FOXP4: variants seen among roughly 807,000 people sequenced by gnomAD.
FOXP4 encodes forkhead box protein P4.
A neutral mutation model predicts 82.6 loss-of-function variants in FOXP4; 25 were observed. That is an observed-to-expected ratio of 0.30 (90% confidence interval 0.22 to 0.42). The LOEUF (loss-of-function observed/expected upper bound fraction) is 0.42. FOXP4 is among the 10% of genes least tolerant of loss of function. FOXP4 has a pLI of 1.00. For synonymous variants in FOXP4, 415 were observed against 388.2 expected (o/e 1.07, Z -0.81); for missense variants, 785 against 900.9 (o/e 0.87, Z 1.65).
intron 4 of FOXP4, 74 bp downstream of exon 4, chr6:41,584,965 A>C: frequency 1.7e-5 from 25 of 1,491,282 alleles, no homozygotes; most frequent in Non-Finnish European, 2.1e-5. Context: ...TTTACACCTC[A>C]CCAAGGGCCC....
intron 1 of FOXP4, among the ~76,000 whole-genome samples, chr6:41,557,458 T>C (rs1254295914): frequency 6.6e-6 from 1 of 152,192 alleles, no homozygotes; most frequent in Non-Finnish European, 1.5e-5. Context: ...TCCCATTTAC[T>C]GCAGAGTCAT....
chr6:41,591,392 G>A lies in FOXP4; in HGVS notation c.1536+70G>A, dbSNP rs1029374355. 1.3e-4 allele frequency: 167 copies of A among 1,328,630 alleles called. No individual in the cohort carries two copies. The highest frequency in any genetic ancestry group is 1.7e-4 in the Non-Finnish European group (166 of 949,832). The allele number at this position is 1,328,630 out of a possible 1,614,324, so 82.3% of individuals were successfully genotyped here. On this transcript the variant is annotated intron_variant, in intron 13 of 16. Transcript: ENST00000307972. This position sits in a 1 kb window ranked among gnomAD's most constrained non-coding sequence, Gnocchi z 4.2. ...ACCTGCCATATCCCATGGAGACCAAGGCTGCCTAACAATTAGTTCCCTAAA... is the reference window on the plus strand; with the variant it reads ...ACCTGCCATATCCCATGGAGACCAAAGCTGCCTAACAATTAGTTCCCTAAA...
At chr6:41,561,717 A>G (rs1168121817) in intron 1 of FOXP4, among the ~76,000 whole-genome samples, 1 of 152,226 alleles carries the variant, frequency 6.6e-6, no homozygotes, top group African/African-American at 2.4e-5. Context: ...TGACTCCAGC[A>G]GACCGACCAT....
intron 1 of FOXP4, among the ~76,000 whole-genome samples, chr6:41,561,527 G>C (rs989506522): frequency 6.6e-5 from 10 of 152,218 alleles, no homozygotes; most frequent in Admixed American, 3.9e-4. Flanking sequence ...CTGCCTTCCT[G>C]TTCCGCAGGT....
intron 1 of FOXP4, 32 bp from the exon 2 acceptor site, chr6:41,565,713 G>T: frequency 6.5e-7 from 1 of 1,547,832 alleles, no homozygotes; most frequent in Non-Finnish European, 8.8e-7. Context: ...TTCAGCCTCA[G>T]CCTCTCCCCT....
chr6:41,575,684 CA>C (rs2127370466), intron 2 of FOXP4, among the ~76,000 whole-genome samples: 1 of 152,194 alleles, frequency 6.6e-6, no homozygotes, highest in South Asian at 2.1e-4. Context: ...AGTGGGGAGT[CA>C]ACTCCCCTGG....
intron 14 of FOXP4, among the ~76,000 whole-genome samples, chr6:41,595,903 C>T (rs1766805685): frequency 6.7e-6 from 1 of 149,958 alleles, no homozygotes; most frequent in African/African-American, 2.5e-5. Flanking sequence ...CGCACCTGGC[C>T]TATTATTTTT....
At position 41,599,718 on chromosome 6, in the gene FOXP4, G is replaced by A. The variant is rs1325029722; in HGVS notation, c.*782G>A. ...TGTGCCAGGTGCGCTTCTGCAGGTGGAGCCAAGCTCTCCCTGAGGCCAGAG... is the reference window on the plus strand; with the variant it reads ...TGTGCCAGGTGCGCTTCTGCAGGTGAAGCCAAGCTCTCCCTGAGGCCAGAG... On this transcript the variant is annotated 3_prime_UTR_variant, in exon 17 of 17. Transcript: ENST00000307972. The A allele has an allele frequency of 1.3e-5, 2 of 152,522 alleles. No homozygotes were observed. Among genetic ancestry groups the A allele is most frequent in the Non-Finnish European group, 2.9e-5 (2 of 68,162 alleles). 9.4% of individuals were successfully genotyped at this position (152,522 alleles called of 1,614,324 possible). A position where few individuals can be genotyped will look rare whatever the true frequency, so the allele number is the denominator to read the frequency against.
In FOXP4 at chr6:41,593,650, C is replaced by T. The variant is rs1160455111; in HGVS notation, c.1537-1220C>T. Among the ~76,000 whole-genome samples the T allele has an allele frequency of 1.3e-5, 2 of 152,190 alleles. No homozygotes were observed. Among genetic ancestry groups the T allele is most frequent in the Non-Finnish European group, 2.9e-5 (2 of 68,034 alleles). Reference sequence around the variant, plus strand: ...GCAAATTTATTCCGAGGCAGGAGCCCCGGCGTGATTAGGCCCTTTGTAATT... The same window carrying T: ...GCAAATTTATTCCGAGGCAGGAGCCTCGGCGTGATTAGGCCCTTTGTAATT... On this transcript the variant is annotated intron_variant, in intron 13 of 16. Transcript: ENST00000307972. This position sits in a 1 kb window ranked among gnomAD's most constrained non-coding sequence, Gnocchi z 4.1.
intron 3 of FOXP4, among the ~76,000 whole-genome samples, chr6:41,584,243 G>A (rs1247689140): frequency 1.3e-5 from 2 of 152,256 alleles, no homozygotes; most frequent in Admixed American, 6.5e-5. Context: ...AGGTCCTCGT[G>A]CAAGGTGGGC....
intron 1 of FOXP4, among the ~76,000 whole-genome samples, chr6:41,555,371 G>A (rs1467253597): frequency 3.3e-5 from 5 of 152,156 alleles, no homozygotes; most frequent in Non-Finnish European, 4.4e-5. Flanking sequence ...TGAAATCAGC[G>A]CATCCCTGCC....
At chr6:41,563,733 C>T (rs891069960) in intron 1 of FOXP4, among the ~76,000 whole-genome samples, 1 of 152,216 alleles carries the variant, frequency 6.6e-6, no homozygotes, top group Non-Finnish European at 1.5e-5. Flanking sequence ...TTATTTTCTC[C>T]TCAAAAGACT....
At position 41,589,771 on chromosome 6, in the gene FOXP4, C is replaced by T. The variant is rs756377881; in HGVS notation, c.1066C>T (p.Leu356Phe). ...CCTCCTGCTTTGCCACCCTCCACAG[C>T]TCGCCAAGGAGAGCGAGCGGCTGCA... ...MQVVQQLEIQ[L>F]AKESERLQAM... is the part of the protein sequence containing the mutation. The change falls in exon 10 of 17, where the codon CTC becomes TTC. Residue 356 changes from leucine to phenylalanine, a missense_variant and splice_region_variant. By Grantham distance (22) the Leu-to-Phe change is conservative (BLOSUM62 0). Transcript: ENST00000307972. The T allele has an allele frequency of 6.2e-7, 1 of 1,611,096 alleles. No homozygotes were observed. The highest frequency in any genetic ancestry group is 8.5e-7 in the Non-Finnish European group (1 of 1,179,844).
intron 1 of FOXP4, among the ~76,000 whole-genome samples, chr6:41,563,316 G>A (rs1288734418): frequency 6.6e-6 from 1 of 152,204 alleles, no homozygotes; most frequent in African/African-American, 2.4e-5. Flanking sequence ...GTAGAGTGAG[G>A]GAGAAGAGTT....
At chr6:41,590,654 GTC>G (rs890731973) in intron 12 of FOXP4, among the ~76,000 whole-genome samples, 45 of 152,174 alleles carry the variant, frequency 3.0e-4, no homozygotes, top group Non-Finnish European at 5.7e-4. Flanking sequence ...GTCACTCTTC[GTC>G]TCTCTCCTTT....
chr6:41,585,433 A>G lies in FOXP4; in HGVS notation c.426A>G (p.Leu142=), dbSNP rs1581766354. ...GTAACCCTCCTCCACCCCCCCAGCT[A>G]CAGGAGTACTACAAGAAGCAGCAGG... ...QQQQALMLQQ[L]QEYYKKQQEQ... is the part of the protein sequence containing the mutation. Residue 142 remains leucine, a splice_region_variant and synonymous_variant, in exon 5 of 17, where the codon CTA becomes CTG. Coordinates refer to ENST00000307972, the MANE Select transcript of FOXP4 (RefSeq NM_001012426.2). The G allele has an allele frequency of 6.2e-7, 1 of 1,613,626 alleles. No homozygotes were observed. The highest frequency in any genetic ancestry group is 8.5e-7 in the Non-Finnish European group (1 of 1,179,756).
intron 2 of FOXP4, among the ~76,000 whole-genome samples, chr6:41,571,507 G>A (rs899495419): frequency 2.0e-5 from 3 of 152,210 alleles, no homozygotes; most frequent in South Asian, 2.1e-4. Flanking sequence ...TAGGGAAGGC[G>A]TCCTGAAATC....
At chr6:41,588,775 C>G in intron 9 of FOXP4, 44 bp downstream of exon 9, 5 of 1,602,732 alleles carry the variant, frequency 3.1e-6, no homozygotes, top group Non-Finnish European at 4.3e-6. Flanking sequence ...TGGGCTCCAG[C>G]CCCTGCCCAC....
chr6:41,570,124 A>ACACACACACACACCC, intron 2 of FOXP4: 1 of 343,396 alleles, frequency 2.9e-6, no homozygotes, highest in Non-Finnish European at 5.8e-6. Flanking sequence ...ACACGCAGTC[A>ACACACACACACACCC]ACAGTTGTCT....
Sources: gnomAD v4.1 joint callset for allele counts (sites outside exome capture counted in the v4.1 genomes callset) on GRCh38, gnomAD v4.1.1 for gene constraint, Gnocchi (gnomAD v3.1) non-coding constraint, MANE v1.5 for transcripts, NCBI Gene and HGNC (gene_info 2026-07-23, HGNC 2026-07-21) for gene names.